PHF24: variants seen among roughly 807,000 people sequenced by gnomAD.
PHF24 encodes Galpha inhibitory interacting protein.
In PHF24, 25 loss-of-function variants were observed where a neutral mutation model predicts 42.6. That is an observed-to-expected ratio of 0.59 (90% CI 0.43 to 0.82). The LOEUF (loss-of-function observed/expected upper bound fraction) is 0.82, where lower values mean the gene tolerates loss of function less well. PHF24 is among the 40% of genes least tolerant of loss of function. The probability of loss-of-function intolerance (pLI) is 0.00; values close to 1 mark genes in which losing one functional copy is unlikely to be tolerated. For missense variants in PHF24, 470 were observed against 538.1 expected (o/e 0.87, Z 1.25); for synonymous variants, 185 against 204.8 (o/e 0.90, Z 0.83).
chr9:34,852,152 A>G, the PHF24 span, among the ~76,000 whole-genome samples: 1 of 152,200 alleles, frequency 6.6e-6, no homozygotes, highest in Non-Finnish European at 1.5e-5. Context: ...ATGAATAGTA[A>G]ATGTATTTTC....
the PHF24 span, among the ~76,000 whole-genome samples, chr9:34,888,116 C>T: frequency 1.3e-5 from 2 of 152,174 alleles, no homozygotes; most frequent in Non-Finnish European, 2.9e-5. Context: ...AGCCTCTCTA[C>T]TCCCTACCTC....
At chr9:34,671,946 T>C in the PHF24 span, among the ~76,000 whole-genome samples, 1 of 152,232 alleles carries the variant, frequency 6.6e-6, no homozygotes, top group African/African-American at 2.4e-5. Flanking sequence ...CATTGTGACC[T>C]GTTCATCTGT....
the PHF24 span, among the ~76,000 whole-genome samples, chr9:34,844,865 A>G: frequency 6.6e-6 from 1 of 152,112 alleles, no homozygotes; most frequent in South Asian, 2.1e-4. Flanking sequence ...TTTAAGTCCA[A>G]TGTTTCCTTA....
the PHF24 span, among the ~76,000 whole-genome samples, chr9:34,877,464 C>G: frequency 1.3e-5 from 2 of 151,968 alleles, no homozygotes; most frequent in South Asian, 4.2e-4. Context: ...ACCAGGGTCT[C>G]AGGGTTTTGG....
chr9:34,867,819 G>A, the PHF24 span, among the ~76,000 whole-genome samples: 3 of 152,186 alleles, frequency 2.0e-5, no homozygotes, highest in African/African-American at 7.2e-5. Flanking sequence ...TCAGGCATAT[G>A]TTTTCAGGAA....
chr9:34,855,267 A>G, the PHF24 span, among the ~76,000 whole-genome samples: 1 of 152,134 alleles, frequency 6.6e-6, no homozygotes, highest in Non-Finnish European at 1.5e-5. Flanking sequence ...CATTTAACCC[A>G]TTTACATTTA....
the PHF24 span, among the ~76,000 whole-genome samples, chr9:34,948,498 A>G: frequency 6.6e-6 from 1 of 152,150 alleles, no homozygotes. Flanking sequence ...CTCTTATACC[A>G]TATTTTTATT....
the PHF24 span, chr9:34,895,145 GAAAC>G: frequency 2.5e-6 from 1 of 398,418 alleles, no homozygotes; most frequent in Non-Finnish European, 4.4e-6. Flanking sequence ...TATCTAAAAT[GAAAC>G]AAAACTCATA....
the PHF24 span, among the ~76,000 whole-genome samples, chr9:34,667,038 A>G: frequency 2.3e-3 from 354 of 152,308 alleles, 2 homozygotes; most frequent in South Asian, 0.024. Flanking sequence ...AAAAGAGAAT[A>G]GTGAGATTCT....
At chr9:34,945,481 G>A in the PHF24 span, among the ~76,000 whole-genome samples, 1 of 152,206 alleles carries the variant, frequency 6.6e-6, no homozygotes, top group Non-Finnish European at 1.5e-5. Context: ...GTGTGGAAGA[G>A]CCTTACACTG....
At chr9:34,730,446 T>A in the PHF24 span, among the ~76,000 whole-genome samples, 1 of 152,134 alleles carries the variant, frequency 6.6e-6, no homozygotes, top group Non-Finnish European at 1.5e-5. Flanking sequence ...GCTGAAAATC[T>A]CTGAAGAGGC....
exon 6 of PHF24, chr9:34,977,212 C>T (rs778702449): frequency 1.3e-5 from 21 of 1,612,290 alleles, no homozygotes; most frequent in Middle Eastern, 3.3e-4. Context: ...GTTTTGCAAA[C>T]GGTTCCCAGA....
At chr9:34,961,422 C>T (rs1487233848) in intron 1 of PHF24, among the ~76,000 whole-genome samples, 1 of 152,196 alleles carries the variant, frequency 6.6e-6, no homozygotes, top group Non-Finnish European at 1.5e-5. Flanking sequence ...CCTCCATTCT[C>T]CCCACTCTTC....
the PHF24 span, chr9:34,833,956 C>T: frequency 6.5e-7 from 1 of 1,544,292 alleles, no homozygotes; most frequent in Admixed American, 2.0e-5. Context: ...ACAGGAAGGC[C>T]AGATGCTTGT....
the PHF24 span, among the ~76,000 whole-genome samples, chr9:34,811,101 C>G: frequency 6.6e-6 from 1 of 152,320 alleles, no homozygotes; most frequent in East Asian, 1.9e-4. Flanking sequence ...CTCTTAACAA[C>G]AGCTTTGTGA....
chr9:34,851,544 TTGCAC>T, the PHF24 span, among the ~76,000 whole-genome samples: 1 of 152,224 alleles, frequency 6.6e-6, no homozygotes, highest in African/African-American at 2.4e-5. Flanking sequence ...CCCTGACCCC[TTGCAC>T]TTCCCGAGTG....
the PHF24 span, among the ~76,000 whole-genome samples, chr9:34,769,866 A>G: frequency 4.9e-4 from 75 of 152,312 alleles, no homozygotes; most frequent in African/African-American, 1.7e-3. Context: ...TGAAAAAGAT[A>G]GGCAAATTCA....
At chr9:34,687,368 C>T in the PHF24 span, among the ~76,000 whole-genome samples, 12 of 152,116 alleles carry the variant, frequency 7.9e-5, no homozygotes, top group Admixed American at 2.0e-4. Flanking sequence ...AGCATGAGAA[C>T]CAAAGATTCA....
At chr9:34,910,278 CTTTTG>C in the PHF24 span, among the ~76,000 whole-genome samples, 1 of 152,076 alleles carries the variant, frequency 6.6e-6, no homozygotes. Context: ...GATCTCCTCT[CTTTTG>C]TTCTGTTCCT....
Sources: gnomAD v4.1 joint callset for allele counts (sites outside exome capture counted in the v4.1 genomes callset) on GRCh38, gnomAD v4.1.1 for gene constraint, MANE v1.5 for transcripts, NCBI Gene and HGNC (gene_info 2026-07-23, HGNC 2026-07-21) for gene names.